The following UCK2 variants were observed in gnomAD, a reference collection of about 807,000 sequenced individuals.
UCK2 encodes uridine-cytidine kinase 2.
A neutral mutation model predicts 30.8 loss-of-function variants in UCK2; 6 were observed. The ratio of observed to expected loss-of-function variants is 0.19; its 90% confidence interval spans 0.11 to 0.38. UCK2 has a LOEUF of 0.38. Among genes scored for constraint, UCK2 ranks in the 10% least tolerant of loss-of-function variants. The probability of loss-of-function intolerance (pLI) is 1.00; values close to 1 mark genes in which losing one functional copy is unlikely to be tolerated. For synonymous variants in UCK2, 125 were observed against 133.6 expected (o/e 0.94, Z 0.45); for missense variants, 210 against 339.8 (o/e 0.62, Z 3.00).
At chr1:165,888,629 T>C (rs1655682559) in intron 1 of UCK2, among the ~76,000 whole-genome samples, 2 of 149,640 alleles carry the variant, frequency 1.3e-5, no homozygotes, top group Admixed American at 6.7e-5. Flanking sequence ...GGTTGACCAG[T>C]TTCTTTCTTC....
intron 3 of UCK2, chr1:165,891,554 C>A (rs1448371497): frequency 1.1e-5 from 5 of 466,398 alleles, no homozygotes; most frequent in Non-Finnish European, 1.9e-5. Context: ...TGTCACGATT[C>A]CTTAACTCTG....
chr1:165,853,519 TC>T (rs1460848628), intron 1 of UCK2, among the ~76,000 whole-genome samples: 2 of 151,682 alleles, frequency 1.3e-5, no homozygotes, highest in Non-Finnish European at 2.9e-5. Flanking sequence ...GCAGAAAGGA[TC>T]TTTTTTTTTT....
chr1:165,834,403 T>G (rs1212571758), intron 1 of UCK2, among the ~76,000 whole-genome samples: 2 of 152,150 alleles, frequency 1.3e-5, no homozygotes, highest in Admixed American at 6.6e-5. Flanking sequence ...AGGTTGAGGC[T>G]GGAGTGAGCC....
intron 1 of UCK2, among the ~76,000 whole-genome samples, chr1:165,832,059 G>A (rs891701378): frequency 1.3e-5 from 2 of 152,116 alleles, no homozygotes; most frequent in Non-Finnish European, 1.5e-5. Context: ...ATGAGCCACC[G>A]TGCCCGGCCT....
In UCK2 at chr1:165,867,083, C is replaced by T. The variant is rs534913783; in HGVS notation, c.100-23121C>T. Among the ~76,000 whole-genome samples, 38 of 152,252 alleles carry T rather than the reference C, an allele frequency of 2.5e-4. No homozygotes were observed. The South Asian group carries it at 7.9e-3, about 32-fold the overall frequency. On this transcript the variant is annotated intron_variant, in intron 1 of 6. Coordinates refer to ENST00000367879, the MANE Select transcript of UCK2 (RefSeq NM_012474.5). Reference sequence around the variant, plus strand: ...AGTGCACGTAAAAGTTATGTTTACACTATACTATAGTCAATTGAATATGCA... The same window carrying T: ...AGTGCACGTAAAAGTTATGTTTACATTATACTATAGTCAATTGAATATGCA...
Position 165,910,228 on chromosome 1 carries a change from CTG to C in UCK2, c.*2407_*2408del, listed in dbSNP as rs1557853215. ...GTGGCAGCCCAGCATTTGGCCAACT[CTG>C]TATCTGAACTTGAGCTTTCTATGGA... On this transcript the variant is annotated 3_prime_UTR_variant, in exon 7 of 7. Transcript: ENST00000367879. 1 of 152,258 alleles carries C rather than the reference CTG, an allele frequency of 6.6e-6. No individual in the cohort carries two copies. The highest frequency in any genetic ancestry group is 1.9e-4 in the East Asian group (1 of 5,194). The allele number at this position is 152,258 out of a possible 1,614,324, so 9.4% of individuals were successfully genotyped here.
chr1:165,897,639 T>C (rs1490155701), intron 4 of UCK2, among the ~76,000 whole-genome samples: 1 of 152,188 alleles, frequency 6.6e-6, no homozygotes, highest in East Asian at 1.9e-4. Context: ...CTTCAAAGTC[T>C]GGGTAATTTT....
intron 1 of UCK2, among the ~76,000 whole-genome samples, chr1:165,832,424 G>T (rs1464048144): frequency 2.0e-5 from 3 of 152,172 alleles, no homozygotes; most frequent in Admixed American, 6.5e-5. Flanking sequence ...TCTGTCCTTA[G>T]CAGTTTACTG....
chr1:165,903,619 C>T (rs1647555829), intron 5 of UCK2, among the ~76,000 whole-genome samples: 1 of 152,200 alleles, frequency 6.6e-6, no homozygotes, highest in African/African-American at 2.4e-5. Context: ...GGAGAGTCCT[C>T]AGCCATTTGG....
At chr1:165,884,152 A>G (rs1337569133) in intron 1 of UCK2, among the ~76,000 whole-genome samples, 1 of 146,116 alleles carries the variant, frequency 6.8e-6, no homozygotes, top group Non-Finnish European at 1.5e-5. Flanking sequence ...ACCCACACAT[A>G]GTCCCAGAGC....
chr1:165,856,592 C>T (rs1386422656), intron 1 of UCK2, among the ~76,000 whole-genome samples: 4 of 151,794 alleles, frequency 2.6e-5, no homozygotes, highest in East Asian at 1.9e-4. Context: ...TGCAATTGGC[C>T]GGAGGGTTAT....
At chr1:165,906,045 G>A (rs1647647937) in intron 6 of UCK2, 76 bp downstream of exon 6, 27 of 1,407,086 alleles carry the variant, frequency 1.9e-5, no homozygotes, top group Non-Finnish European at 2.6e-5. Flanking sequence ...AGGATGTGGT[G>A]ACCCTACAGG....
chr1:165,859,133 G>A (rs1188442972), intron 1 of UCK2, among the ~76,000 whole-genome samples: 1 of 152,114 alleles, frequency 6.6e-6, no homozygotes, highest in Non-Finnish European at 1.5e-5. Context: ...TACATAAAAA[G>A]GCCATGTTTT....
At chr1:165,898,530 C>T (rs1647348903) in intron 4 of UCK2, among the ~76,000 whole-genome samples, 1 of 152,154 alleles carries the variant, frequency 6.6e-6, no homozygotes, top group Non-Finnish European at 1.5e-5. Context: ...GCTAGTGATG[C>T]CCGGACTGAT....
rs74118940 is a variant in UCK2, at chr1:165,901,636, G to A, written c.500-1546G>A. ...TAGATGGATGTGGTAACTTTTTGGG[G>A]TGAAAGATTTAGCAGCTCAGATGAT... On this transcript the variant is annotated intron_variant, in intron 4 of 6. Transcript: ENST00000367879. Among the ~76,000 whole-genome samples the A allele has an allele frequency of 7.8e-3, 1,181 of 152,250 alleles. 16 individuals carry two copies. Among genetic ancestry groups the A allele is most frequent in the African/African-American group, 0.026 (1,099 of 41,540 alleles).
At chr1:165,839,763 G>A (rs1000406161) in intron 1 of UCK2, among the ~76,000 whole-genome samples, 5 of 152,162 alleles carry the variant, frequency 3.3e-5, no homozygotes, top group African/African-American at 1.2e-4. Flanking sequence ...TCTGTGAAAA[G>A]GAGATGATGT....
chr1:165,886,436 A>G (rs183355208), intron 1 of UCK2, among the ~76,000 whole-genome samples: 57 of 152,286 alleles, frequency 3.7e-4, no homozygotes, highest in Middle Eastern at 6.8e-3. Flanking sequence ...AGCTGGGACT[A>G]CAGGCACAAA....
intron 1 of UCK2, among the ~76,000 whole-genome samples, chr1:165,889,743 G>T (rs1655717273): frequency 6.8e-6 from 1 of 147,556 alleles, no homozygotes; most frequent in Non-Finnish European, 1.5e-5. Flanking sequence ...TGTTACATAG[G>T]TAAACTTGTG....
intron 1 of UCK2, among the ~76,000 whole-genome samples, chr1:165,884,838 G>A (rs1192313763): frequency 1.3e-5 from 2 of 152,202 alleles, no homozygotes; most frequent in Non-Finnish European, 2.9e-5. Flanking sequence ...GGGGCCTGTT[G>A]ATGAGCTGTT....
Sources: gnomAD v4.1 joint callset for allele counts (sites outside exome capture counted in the v4.1 genomes callset) on GRCh38, gnomAD v4.1.1 for gene constraint, MANE v1.5 for transcripts, NCBI Gene and HGNC (gene_info 2026-07-23, HGNC 2026-07-21) for gene names.